The following ITGA9 variants were observed in gnomAD, a reference collection of about 807,000 sequenced individuals.
ITGA9 encodes the protein integrin alpha-9.
Under a neutral mutation model 127.8 loss-of-function variants are expected in ITGA9, and 56 were observed. The observed-to-expected ratio is 0.44, with a 90% CI of 0.35 to 0.55. The LOEUF is 0.55. Ranked by LOEUF, ITGA9 falls within the 20% of genes least tolerant of loss-of-function variation. ITGA9 has a pLI of 0.00. For synonymous variants in ITGA9, 508 were observed against 514.5 expected (o/e 0.99, Z 0.17); for missense variants, 1,196 against 1,347.1 (o/e 0.89, Z 1.76).
At chr3:37,456,805 G>A (rs1254507524) in intron 1 of ITGA9, among the ~76,000 whole-genome samples, 1 of 152,234 alleles carries the variant, frequency 6.6e-6, no homozygotes, top group Non-Finnish European at 1.5e-5. Context: ...AAAAGAACAA[G>A]CTAGATAGTT....
intron 15 of ITGA9, among the ~76,000 whole-genome samples, chr3:37,621,428 C>CTGATGGCAGGGTACCTGGCCTG (rs1346682555): frequency 6.6e-6 from 1 of 152,210 alleles, no homozygotes; most frequent in Non-Finnish European, 1.5e-5. Context: ...CCTGGCCCTG[C>CTGATGGCAGGGTACCTGGCCTG]CTGGATGCCG....
At chr3:37,528,768 G>T (rs893558982) in intron 13 of ITGA9, among the ~76,000 whole-genome samples, 3 of 152,184 alleles carry the variant, frequency 2.0e-5, no homozygotes, top group African/African-American at 7.2e-5. Context: ...TCTGTATTAA[G>T]GTAGAATTTG....
At chr3:37,775,775 C>T (rs1042761033) in intron 23 of ITGA9, among the ~76,000 whole-genome samples, 8 of 152,170 alleles carry the variant, frequency 5.3e-5, no homozygotes, top group South Asian at 2.1e-4. Context: ...TGTGGCTATT[C>T]CTCAAAGAGC....
chr3:37,714,026 T>C (rs1701106572), intron 18 of ITGA9, among the ~76,000 whole-genome samples: 1 of 152,208 alleles, frequency 6.6e-6, no homozygotes, highest in African/African-American at 2.4e-5. Context: ...GGCTGCATGA[T>C]GATGTGCCTA....
chr3:37,484,112 C>T (rs1164312991), intron 4 of ITGA9, among the ~76,000 whole-genome samples: 1 of 152,168 alleles, frequency 6.6e-6, no homozygotes, highest in Non-Finnish European at 1.5e-5. Context: ...GATTATGCCC[C>T]TGCCCAATCT....
intron 3 of ITGA9, among the ~76,000 whole-genome samples, chr3:37,479,126 C>G (rs1337244521): frequency 6.6e-6 from 1 of 152,102 alleles, no homozygotes; most frequent in Non-Finnish European, 1.5e-5. Flanking sequence ...GATTTACCCA[C>G]AAATTAGATA....
chr3:37,524,794 A>G (rs1020447082), intron 12 of ITGA9, among the ~76,000 whole-genome samples: 5 of 152,218 alleles, frequency 3.3e-5, no homozygotes, highest in African/African-American at 1.2e-4. Context: ...TGGTTCAGCT[A>G]CTTTTCTGTA....
At chr3:37,681,703 C>T (rs779888219) in intron 17 of ITGA9, among the ~76,000 whole-genome samples, 8 of 152,110 alleles carry the variant, frequency 5.3e-5, no homozygotes, top group East Asian at 1.9e-4. Flanking sequence ...GTTCAAAGGT[C>T]GCATCACACA....
intron 25 of ITGA9, among the ~76,000 whole-genome samples, chr3:37,784,052 A>G (rs114531920): frequency 0.024 from 3,718 of 152,322 alleles, 82 homozygotes; most frequent in Middle Eastern, 0.071. Context: ...CAAGCTGGGT[A>G]GATGTAGGTG....
At position 37,683,777 on chromosome 3, in the gene ITGA9, C is replaced by T. The variant is rs1700755314; in HGVS notation, c.1917-88C>T. 6.6e-6 allele frequency: 9 copies of T among 1,371,066 alleles called. 1 individual carries two copies. In the East Asian group the frequency reaches 2.1e-4, roughly 32 times the overall value. 84.9% of individuals were successfully genotyped at this position (1,371,066 alleles called of 1,614,324 possible). A position where few individuals can be genotyped will look rare whatever the true frequency, so the allele number is the denominator to read the frequency against. Reference sequence around the variant, plus strand: ...GAACTTGTAGTTCTGATCTCGGTTTCTGCCCCCCACCTTCAACTACCCCCT... The same window carrying T: ...GAACTTGTAGTTCTGATCTCGGTTTTTGCCCCCCACCTTCAACTACCCCCT... On this transcript the variant is annotated intron_variant, in intron 17 of 27. Coordinates refer to ENST00000264741, the MANE Select transcript of ITGA9 (RefSeq NM_002207.3).
Position 37,471,089 on chromosome 3 carries a change from C to A in ITGA9, c.268C>A (p.His90Asn). The change falls in exon 2 of 28, where the codon CAC becomes AAC. Residue 90 changes from histidine to asparagine, a missense_variant. Coordinates refer to ENST00000264741, the MANE Select transcript of ITGA9 (RefSeq NM_002207.3). ...SPGAVFKCRV[H>N]TNPDRRCTEL... ...TGGGGCTGTGTTTAAGTGCCGTGTT[C>A]ACACCAACCCTGACCGGAGATGCAC... 1 of 1,614,082 alleles carries A rather than the reference C, an allele frequency of 6.2e-7. No homozygotes were observed. The highest frequency in any genetic ancestry group is 8.5e-7 in the Non-Finnish European group (1 of 1,180,006).
intron 26 of ITGA9, among the ~76,000 whole-genome samples, chr3:37,801,729 G>GT (rs1446797756): frequency 3.9e-5 from 6 of 152,188 alleles, no homozygotes; most frequent in African/African-American, 1.4e-4. Flanking sequence ...CATTTGTCAA[G>GT]GGCGGACTCT....
chr3:37,615,807 G>A (rs1700068554), intron 15 of ITGA9, among the ~76,000 whole-genome samples: 1 of 152,166 alleles, frequency 6.6e-6, no homozygotes, highest in African/African-American at 2.4e-5. Context: ...GGGATCGGTG[G>A]TGATATCCCC....
chr3:37,794,008 G>A (rs1697143825), intron 26 of ITGA9, among the ~76,000 whole-genome samples: 1 of 152,212 alleles, frequency 6.6e-6, no homozygotes, highest in Non-Finnish European at 1.5e-5. Flanking sequence ...GCCACAGATG[G>A]AAATGTTCTG....
intron 6 of ITGA9, among the ~76,000 whole-genome samples, chr3:37,505,319 A>G (rs1473899745): frequency 1.3e-5 from 2 of 152,244 alleles, no homozygotes; most frequent in African/African-American, 2.4e-5. Flanking sequence ...AGACATGCAT[A>G]AAAATGTTGG....
intron 13 of ITGA9, among the ~76,000 whole-genome samples, chr3:37,527,230 A>G (rs891257520): frequency 6.6e-6 from 1 of 152,258 alleles, no homozygotes; most frequent in African/African-American, 2.4e-5. Flanking sequence ...GGGTTTATCC[A>G]GATGTAGCCT....
At chr3:37,497,627 T>G (rs1166592122) in intron 5 of ITGA9, among the ~76,000 whole-genome samples, 1 of 152,256 alleles carries the variant, frequency 6.6e-6, no homozygotes, top group Non-Finnish European at 1.5e-5. Context: ...TAGTTGGTTG[T>G]TCTGATACTG....
chr3:37,678,699 C>T (rs1326848385), intron 17 of ITGA9, among the ~76,000 whole-genome samples: 1 of 152,110 alleles, frequency 6.6e-6, no homozygotes, highest in African/African-American at 2.4e-5. Context: ...AGTGATCCAA[C>T]AGAATATTAT....
Position 37,488,466 on chromosome 3 carries a change from C to A in ITGA9, c.545-6035C>A, listed in dbSNP as rs75876559. ...GTTGCTAAGTTCTAGGTAAAGGGAA[C>A]GCTTTAAAGATTACAAAACTCCTTT... is the stretch of plus-strand genomic sequence containing the variant. On this transcript the variant is annotated intron_variant, in intron 4 of 27. Coordinates refer to ENST00000264741, the MANE Select transcript of ITGA9 (RefSeq NM_002207.3). Among the ~76,000 whole-genome samples the A allele has an allele frequency of 7.0e-3, 1,062 of 152,124 alleles. 67 individuals carry two copies. In the East Asian group the frequency reaches 0.14, roughly 19 times the overall value.
Sources: allele counts gnomAD v4.1 joint callset (sites outside exome capture counted in the v4.1 genomes callset), GRCh38; gene constraint gnomAD v4.1.1; transcripts MANE v1.5; gene names NCBI Gene and HGNC (gene_info 2026-07-23, HGNC 2026-07-21).